The following IQCH variants were observed in gnomAD, a reference collection of about 807,000 sequenced individuals.
The protein encoded by IQCH is IQ motif containing H.
A neutral mutation model predicts 117.0 loss-of-function variants in IQCH; 98 were observed. That is an observed-to-expected ratio of 0.84 (90% CI 0.71 to 0.99). The LOEUF is 0.99. Ranked by LOEUF, IQCH falls within the 50% of genes least tolerant of loss-of-function variation. The pLI is 0.00. For synonymous variants in IQCH, 412 were observed against 448.2 expected (o/e 0.92, Z 1.02); for missense variants, 1,102 against 1,243.8 (o/e 0.89, Z 1.72).
chr15:67,435,779 C>T lies in IQCH; in HGVS notation c.2505+14202C>T, dbSNP rs572092455. Among the ~76,000 whole-genome samples, 8 of 151,316 alleles carry T rather than the reference C, an allele frequency of 5.3e-5. No homozygotes were observed. In the East Asian group the frequency reaches 7.8e-4, roughly 15 times the overall value. ...TCCCAGCTACTTGGAGGCTGAGGCA[C>T]GAGAATCTCTTGAACCCAGGAGGCA... On this transcript the variant is annotated intron_variant, in intron 16 of 20. Transcript: ENST00000335894.
rs1333926834 is a variant in IQCH at position 67,387,406 on chromosome 15, G to A, written c.1457-1425G>A. ...CATCATCCCTTCAGTCAGTCCAGAA[G>A]TGTTTATTGAGTGACTCCTACATAC... On this transcript the variant is annotated intron_variant, in intron 11 of 20. Coordinates refer to ENST00000335894, the MANE Select transcript of IQCH (RefSeq NM_001031715.3). This position sits in a 1 kb window ranked among gnomAD's most constrained non-coding sequence, Gnocchi z 4.8. Among the ~76,000 whole-genome samples, 1 of 152,120 alleles carries A rather than the reference G, an allele frequency of 6.6e-6. No homozygotes were observed. The highest frequency in any genetic ancestry group is 1.5e-5 in the Non-Finnish European group (1 of 68,028).
At chr15:67,346,311 A>AC (rs557357625) in intron 6 of IQCH, among the ~76,000 whole-genome samples, 2,605 of 148,860 alleles carry the variant, frequency 0.017, 52 homozygotes, top group African/African-American at 0.049. Flanking sequence ...AGAACTAGTA[A>AC]CCCCCCCCCA....
rs1280721564 is a variant in IQCH at position 67,408,280 on chromosome 15, C to A, written c.2097+7975C>A. 1 of 152,232 alleles carries A rather than the reference C, an allele frequency of 6.6e-6. No individual in the cohort carries two copies. Among genetic ancestry groups the A allele is most frequent in the East Asian group, 1.9e-4 (1 of 5,200 alleles). 9.4% of individuals were successfully genotyped at this position (152,232 alleles called of 1,614,324 possible). A position where few individuals can be genotyped will look rare whatever the true frequency, so the allele number is the denominator to read the frequency against. ...ACAGAGCAGGCATGGGCATTTGGAA[C>A]CGTTTCAGAATGAGTTTTACTCTCC... On this transcript the variant is annotated intron_variant, in intron 14 of 20. Transcript: ENST00000335894. This position sits in a 1 kb window ranked among gnomAD's most constrained non-coding sequence, Gnocchi z 4.2.
intron 4 of IQCH, among the ~76,000 whole-genome samples, chr15:67,324,717 T>C (rs998183103): frequency 2.0e-5 from 3 of 152,132 alleles, no homozygotes; most frequent in Non-Finnish European, 4.4e-5. Flanking sequence ...TTGTTTTTTG[T>C]TTTTTCCTTA....
chr15:67,273,147 T>C (rs2140458415), intron 3 of IQCH, among the ~76,000 whole-genome samples: 2 of 152,326 alleles, frequency 1.3e-5, no homozygotes, highest in South Asian at 4.1e-4. Flanking sequence ...CTCGGCTCAC[T>C]GCAACCTCTG....
chr15:67,295,097 T>C (rs1966844155), intron 4 of IQCH, among the ~76,000 whole-genome samples: 1 of 152,182 alleles, frequency 6.6e-6, no homozygotes, highest in South Asian at 2.1e-4. Context: ...ATTTTAAACT[T>C]TCTCCTCTTT....
intron 6 of IQCH, among the ~76,000 whole-genome samples, chr15:67,353,602 C>T (rs952552997): frequency 1.1e-4 from 16 of 152,016 alleles, no homozygotes; most frequent in African/African-American, 2.2e-4. Flanking sequence ...TCAGGCAATC[C>T]GCCCACCTTG....
chr15:67,365,786 C>T lies in IQCH; in HGVS notation c.753+5901C>T, dbSNP rs914311875. On this transcript the variant is annotated intron_variant, in intron 8 of 20. Coordinates refer to ENST00000335894, the MANE Select transcript of IQCH (RefSeq NM_001031715.3). This position sits in a 1 kb window ranked among gnomAD's most constrained non-coding sequence, Gnocchi z 4.4. Reference sequence around the variant, plus strand: ...CTCTACTAAAAATATAAAAGTTAGCCGGGTGTGGTGGCGCGTGCCTGTAAT... The same window carrying T: ...CTCTACTAAAAATATAAAAGTTAGCTGGGTGTGGTGGCGCGTGCCTGTAAT... Among the ~76,000 whole-genome samples, 9 of 151,962 alleles carry T rather than the reference C, an allele frequency of 5.9e-5. No homozygotes were observed. Among genetic ancestry groups the T allele is most frequent in the African/African-American group, 1.5e-4 (6 of 41,364 alleles).
intron 18 of IQCH, among the ~76,000 whole-genome samples, chr15:67,478,708 G>C (rs1197151238): frequency 6.6e-6 from 1 of 151,910 alleles, no homozygotes; most frequent in Non-Finnish European, 1.5e-5. Context: ...GGCAGATCAC[G>C]AGGTCAGGAG....
chr15:67,444,011 C>G (rs2082338042), intron 16 of IQCH, among the ~76,000 whole-genome samples: 1 of 152,216 alleles, frequency 6.6e-6, no homozygotes, highest in South Asian at 2.1e-4. Flanking sequence ...GGCTGCCAAG[C>G]CTGTGTTCTT....
At position 67,287,086 on chromosome 15, in the gene IQCH, A is replaced by G. The variant is rs1369121704; in HGVS notation, c.387+7574A>G. Among the ~76,000 whole-genome samples, 8 of 152,140 alleles carry G rather than the reference A, an allele frequency of 5.3e-5. No homozygotes were observed. In the East Asian group the frequency reaches 1.3e-3, roughly 26 times the overall value. ...TGATGTATCACATTGATTGATTTGCATATGTTGAACCCTCCTTCCATTTCT... is the reference window on the plus strand; with the variant it reads ...TGATGTATCACATTGATTGATTTGCGTATGTTGAACCCTCCTTCCATTTCT... On this transcript the variant is annotated intron_variant, in intron 4 of 20. Transcript: ENST00000335894.
At chr15:67,400,943 T>G (rs539895380) in intron 14 of IQCH, among the ~76,000 whole-genome samples, 1 of 152,218 alleles carries the variant, frequency 6.6e-6, no homozygotes, top group Non-Finnish European at 1.5e-5. Flanking sequence ...GATCATGTGC[T>G]TCTAACAACT....
chr15:67,349,730 C>T (rs535045926), intron 6 of IQCH, among the ~76,000 whole-genome samples: 3 of 151,368 alleles, frequency 2.0e-5, no homozygotes, highest in Non-Finnish European at 4.4e-5. Context: ...TGATAAGAAA[C>T]AAACAACCCA....
At chr15:67,345,076 G>A (rs1969328272) in intron 6 of IQCH, among the ~76,000 whole-genome samples, 1 of 152,152 alleles carries the variant, frequency 6.6e-6, no homozygotes, top group Non-Finnish European at 1.5e-5. Context: ...TGCAACCTCT[G>A]CCTCCTGGAT....
chr15:67,487,710 C>T (rs1320696235), intron 18 of IQCH, among the ~76,000 whole-genome samples: 1 of 152,068 alleles, frequency 6.6e-6, no homozygotes, highest in Non-Finnish European at 1.5e-5. Flanking sequence ...CCAGCGTTGG[C>T]AGCCACTGTT....
At chr15:67,262,302 T>C (rs1341966419) in intron 2 of IQCH, among the ~76,000 whole-genome samples, 1 of 152,148 alleles carries the variant, frequency 6.6e-6, no homozygotes, top group African/African-American at 2.4e-5. Context: ...TAATATTCAT[T>C]TATGAAACAA....
At chr15:67,315,025 A>G (rs1226111223) in intron 4 of IQCH, among the ~76,000 whole-genome samples, 1 of 152,210 alleles carries the variant, frequency 6.6e-6, no homozygotes, top group Non-Finnish European at 1.5e-5. Flanking sequence ...AGTGAAGCCC[A>G]AGATCTAACC....
rs1013875189 is a variant in IQCH at position 67,356,250 on chromosome 15, C to T, written c.638-1095C>T. 2.0e-5 allele frequency among the ~76,000 whole-genome samples: 3 copies of T among 152,308 alleles called. No homozygotes were observed. The highest frequency in any genetic ancestry group is 7.2e-5 in the African/African-American group (3 of 41,552). On this transcript the variant is annotated intron_variant, in intron 6 of 20. Coordinates refer to ENST00000335894, the MANE Select transcript of IQCH (RefSeq NM_001031715.3). The surrounding 1 kb of genome is among the most constrained non-coding windows in gnomAD (Gnocchi z 5.3). The stretch of plus-strand genomic sequence containing the variant: ...CTTAAAATGGGGTCTTCATACACTA[C>T]TGGCCAGGGGATAGTGAGGACTACA...
chr15:67,482,779 C>T (rs1000115106), intron 18 of IQCH, among the ~76,000 whole-genome samples: 7 of 152,032 alleles, frequency 4.6e-5, no homozygotes, highest in East Asian at 3.9e-4. Flanking sequence ...ACGTGGGAAA[C>T]GGGCCTGAGT....
Sources: gnomAD v4.1 joint callset for allele counts (sites outside exome capture counted in the v4.1 genomes callset) on GRCh38, gnomAD v4.1.1 for gene constraint, Gnocchi (gnomAD v3.1) non-coding constraint, MANE v1.5 for transcripts, NCBI Gene and HGNC (gene_info 2026-07-23, HGNC 2026-07-21) for gene names.